SSH2: variants seen among roughly 807,000 people sequenced by gnomAD.
SSH2 encodes protein phosphatase Slingshot homolog 2.
SSH2 carries 37 observed loss-of-function variants against 135.2 expected under a neutral mutation model. The ratio of observed to expected loss-of-function variants is 0.27; its 90% CI spans 0.21 to 0.36. SSH2 has a LOEUF of 0.36. SSH2 is among the 10% of genes least tolerant of loss of function. The probability of loss-of-function intolerance (pLI) is 1.00; values close to 1 mark genes in which losing one functional copy is unlikely to be tolerated. For synonymous variants in SSH2, 628 were observed against 646.2 expected, an observed-to-expected ratio of 0.97 and a Z score of 0.43; for missense variants, 1,408 against 1,765.3, an observed-to-expected ratio of 0.80 and a Z score of 3.63.
chr17:29,679,407 A>AT (rs550795229), intron 6 of SSH2, among the ~76,000 whole-genome samples: 5,032 of 147,328 alleles, frequency 0.034, 124 homozygotes, highest in Middle Eastern at 0.1. Context: ...ATTTATTTTT[A>AT]TTTTTTTTTT....
chr17:29,815,571 C>T (rs2042543959), intron 2 of SSH2, among the ~76,000 whole-genome samples: 1 of 152,142 alleles, frequency 6.6e-6, no homozygotes, highest in African/African-American at 2.4e-5. Context: ...TGTTCCTTTT[C>T]TTAATTAGAT....
intron 3 of SSH2, among the ~76,000 whole-genome samples, chr17:29,738,694 C>T (rs1272583509): frequency 1.3e-5 from 2 of 151,902 alleles, no homozygotes; most frequent in East Asian, 3.9e-4. Context: ...GCTGGGACTA[C>T]AGGTGCCCGC....
At chr17:29,920,056 G>A (rs938476113) in intron 1 of SSH2, among the ~76,000 whole-genome samples, 3 of 152,090 alleles carry the variant, frequency 2.0e-5, no homozygotes, top group Admixed American at 6.6e-5. Context: ...ACAGGCATGC[G>A]CCACCACACT....
intron 3 of SSH2, among the ~76,000 whole-genome samples, chr17:29,724,859 G>A (rs999827518): frequency 1.3e-5 from 2 of 151,376 alleles, no homozygotes; most frequent in Non-Finnish European, 1.5e-5. Context: ...CAAAGTGCTA[G>A]GATTACAGGT....
intron 3 of SSH2, among the ~76,000 whole-genome samples, chr17:29,784,060 C>T (rs2041902377): frequency 2.9e-5 from 1 of 34,920 alleles, no homozygotes; most frequent in Non-Finnish European, 5.6e-5. Flanking sequence ...AGCGAGACTC[C>T]GTCTCAAAAA....
At chr17:29,907,398 A>T (rs1000599892) in intron 1 of SSH2, among the ~76,000 whole-genome samples, 1 of 152,192 alleles carries the variant, frequency 6.6e-6, no homozygotes, top group African/African-American at 2.4e-5. Context: ...TAGCTAACGT[A>T]TGCTGGGCTT....
chr17:29,836,848 C>T (rs2042951165), intron 2 of SSH2, among the ~76,000 whole-genome samples: 1 of 152,204 alleles, frequency 6.6e-6, no homozygotes, highest in African/African-American at 2.4e-5. Context: ...ATTTACAACT[C>T]TCATGACATT....
At chr17:29,648,368 GA>G (rs2036461664) in intron 13 of SSH2, 24 bp from the exon 14 acceptor site, 1 of 1,570,380 alleles carries the variant, frequency 6.4e-7, no homozygotes. Context: ...TTGAGGTAAA[GA>G]ATAGAGGAAA....
At chr17:29,783,281 TTATA>T (rs910229957) in intron 3 of SSH2, among the ~76,000 whole-genome samples, 6 of 140,074 alleles carry the variant, frequency 4.3e-5, no homozygotes, top group African/African-American at 1.5e-4. Flanking sequence ...TATTTATATA[TTATA>T]TATATAATAT....
intron 3 of SSH2, among the ~76,000 whole-genome samples, chr17:29,724,318 C>T (rs1050925165): frequency 1.3e-5 from 2 of 152,024 alleles, no homozygotes; most frequent in African/African-American, 4.8e-5. Flanking sequence ...GGCCTGAGGT[C>T]GGGAGTTCAA....
Position 29,667,112 on chromosome 17 carries a change from G to A in SSH2, c.903+18C>T. 6.2e-7 allele frequency: 1 copy of A among 1,605,600 alleles called. No homozygotes were observed. The highest frequency in any genetic ancestry group is 1.1e-5 in the South Asian group (1 of 90,700). On this transcript the variant is annotated intron_variant, in intron 10 of 15. Coordinates refer to ENST00000540801, the MANE Select transcript of SSH2 (RefSeq NM_001282129.2). ...CCACTGCTAGCCTTGGAACAAACAA[G>A]GACTCAAGGTCTCTTACCTCTTTGG...
chr17:29,751,395 A>G (rs2151230842), intron 3 of SSH2, among the ~76,000 whole-genome samples: 1 of 152,258 alleles, frequency 6.6e-6, no homozygotes, highest in African/African-American at 2.4e-5. Context: ...AGCCTGGGCA[A>G]CAAGAGCGTA....
intron 3 of SSH2, among the ~76,000 whole-genome samples, chr17:29,779,809 T>TAAAAAAAAAA (rs1567969193): frequency 1.9e-4 from 2 of 10,764 alleles, no homozygotes; most frequent in African/African-American, 7.4e-4. Flanking sequence ...AGACTCTGTC[T>TAAAAAAAAAA]CAAAAAAAAA....
intron 4 of SSH2, among the ~76,000 whole-genome samples, chr17:29,696,208 C>CACACACACACACAT (rs373379041): frequency 3.5e-4 from 50 of 140,858 alleles, no homozygotes; most frequent in African/African-American, 1.2e-3. Flanking sequence ...CACACACACA[C>CACACACACACACAT]ATATGTATAT....
At chr17:29,849,956 G>A (rs2065523647) in intron 1 of SSH2, among the ~76,000 whole-genome samples, 1 of 147,278 alleles carries the variant, frequency 6.8e-6, no homozygotes, top group Non-Finnish European at 1.5e-5. Context: ...CATGAACCCA[G>A]GGGGCGGAGG....
chr17:29,718,868 T>C (rs1271575574), intron 3 of SSH2, among the ~76,000 whole-genome samples: 1 of 151,940 alleles, frequency 6.6e-6, no homozygotes, highest in African/African-American at 2.4e-5. Context: ...TGTAAATTTC[T>C]CCTCTGGGCT....
At chr17:29,743,944 G>A (rs1377995085) in intron 3 of SSH2, among the ~76,000 whole-genome samples, 3 of 74,906 alleles carry the variant, frequency 4.0e-5, no homozygotes, top group East Asian at 3.2e-4. Context: ...AAAACAAAAC[G>A]CTTTTATTTG....
At chr17:29,677,795 C>T in intron 6 of SSH2, 54 bp from the exon 7 acceptor site, 1 of 1,367,262 alleles carries the variant, frequency 7.3e-7, no homozygotes, top group South Asian at 1.2e-5. Flanking sequence ...GGGAAGCAGT[C>T]TTCTGTTTAC....
At chr17:29,715,870 C>A (rs924248698) in intron 3 of SSH2, among the ~76,000 whole-genome samples, 3 of 152,116 alleles carry the variant, frequency 2.0e-5, no homozygotes, top group African/African-American at 7.2e-5. Context: ...CTTGACTCAG[C>A]GGGGCACTTA....
Sources: gnomAD v4.1 joint callset for allele counts (sites outside exome capture counted in the v4.1 genomes callset) on GRCh38, gnomAD v4.1.1 for gene constraint, MANE v1.5 for transcripts, NCBI Gene and HGNC (gene_info 2026-07-23, HGNC 2026-07-21) for gene names.